Variants in CHSY3 observed in about 807,000 individuals in gnomAD.
CHSY3 encodes N-acetylgalactosaminyl-proteoglycan 3-beta-glucuronosyltransferase 3.
A neutral mutation model predicts 67.2 loss-of-function variants in CHSY3; 35 were observed. That is an observed-to-expected ratio of 0.52 (90% confidence interval 0.40 to 0.69). The LOEUF (loss-of-function observed/expected upper bound fraction) is 0.69, where lower values mean the gene tolerates loss of function less well. Ranked by LOEUF, CHSY3 falls within the 30% of genes least tolerant of loss-of-function variation. The pLI, the probability that CHSY3 is intolerant of heterozygous loss-of-function variation, is 0.00. For synonymous variants in CHSY3, 474 were observed against 434.7 expected (o/e 1.09, Z -1.12); for missense variants, 1,069 against 1,138.5 (o/e 0.94, Z 0.88).
In CHSY3 at chr5:129,904,829, G is replaced by A. The variant is rs958591713; in HGVS notation, c.-1G>A. The A allele has an allele frequency of 7.0e-7, 1 of 1,419,164 alleles. No homozygotes were observed. Among genetic ancestry groups the A allele is most frequent in the East Asian group, 2.8e-5 (1 of 35,388 alleles). 87.9% of individuals were successfully genotyped at this position (1,419,164 alleles called of 1,614,324 possible). A position where few individuals can be genotyped will look rare whatever the true frequency, so the allele number is the denominator to read the frequency against. On this transcript the variant is annotated 5_prime_UTR_variant, in exon 1 of 3. Transcript: ENST00000305031. ...GAGCGTCCGCGCCCGGGACAGCCGC[G>A]ATGGCTGTGCGCTCTCGCCGCCCGT...
intron 2 of CHSY3, among the ~76,000 whole-genome samples, chr5:130,012,731 G>T (rs116305771): frequency 6.6e-6 from 1 of 152,042 alleles, no homozygotes; most frequent in Non-Finnish European, 1.5e-5. Flanking sequence ...GGAGGATTAT[G>T]GGAACTGTAA....
intron 2 of CHSY3, among the ~76,000 whole-genome samples, chr5:129,999,978 C>G (rs767338960): frequency 2.0e-5 from 3 of 151,968 alleles, no homozygotes; most frequent in Non-Finnish European, 4.4e-5. Context: ...TAACCATTGT[C>G]TTTGAGAAAG....
At chr5:130,062,933 C>T (rs184613771) in intron 2 of CHSY3, among the ~76,000 whole-genome samples, 1 of 152,100 alleles carries the variant, frequency 6.6e-6, no homozygotes, top group Admixed American at 6.6e-5. Flanking sequence ...GAAAAACAGA[C>T]TTCCATTTAA....
chr5:130,134,331 A>C (rs1391136446), intron 2 of CHSY3, among the ~76,000 whole-genome samples: 1 of 152,218 alleles, frequency 6.6e-6, no homozygotes, highest in Non-Finnish European at 1.5e-5. Flanking sequence ...TTAGAAGAGG[A>C]GCCTTAGACA....
intron 2 of CHSY3, among the ~76,000 whole-genome samples, chr5:130,071,037 G>A (rs1766045728): frequency 6.6e-6 from 1 of 151,808 alleles, no homozygotes. Context: ...TAGATAGATA[G>A]ACAGAGAGAC....
rs556694204 is a variant in CHSY3 at position 129,949,719 on chromosome 5, C to T, written c.1086+41359C>T. Reference sequence around the variant, plus strand: ...ATACATACAAAAATCCCCAACAAAACCAGAGTAAACCAAATTTAATAGCAC... The same window carrying T: ...ATACATACAAAAATCCCCAACAAAATCAGAGTAAACCAAATTTAATAGCAC... On this transcript the variant is annotated intron_variant, in intron 2 of 2. Coordinates refer to ENST00000305031, the MANE Select transcript of CHSY3 (RefSeq NM_175856.5). Among the ~76,000 whole-genome samples the T allele has an allele frequency of 5.7e-4, 87 of 152,220 alleles. 1 individual carries two copies. In the South Asian group the frequency reaches 6.8e-3, roughly 12 times the overall value.
chr5:129,905,804 C>T (rs1311671912), intron 1 of CHSY3, 173 bp downstream of exon 1: 1 of 1,361,076 alleles, frequency 7.3e-7, no homozygotes, highest in Non-Finnish European at 9.7e-7. Context: ...AATTCGTAGC[C>T]CGTTCCTCGT....
At chr5:130,150,008 T>A (rs249607) in intron 2 of CHSY3, among the ~76,000 whole-genome samples, 29,751 of 152,160 alleles carry the variant, frequency 0.2, 3,644 homozygotes, top group African/African-American at 0.33. Context: ...ACTGAAAGTA[T>A]GTATATAAAA....
At chr5:130,008,767 C>A (rs1259084178) in intron 2 of CHSY3, among the ~76,000 whole-genome samples, 2 of 152,088 alleles carry the variant, frequency 1.3e-5, no homozygotes, top group African/African-American at 2.4e-5. Flanking sequence ...TAAGAAAGAA[C>A]CAAACTGATC....
chr5:129,991,109 T>C (rs1475886662), intron 2 of CHSY3, among the ~76,000 whole-genome samples: 2 of 152,138 alleles, frequency 1.3e-5, no homozygotes, highest in Non-Finnish European at 2.9e-5. Context: ...AGGTTGCAGG[T>C]CTTTATCTGC....
chr5:130,008,776 T>C lies in CHSY3; in HGVS notation c.1086+100416T>C, dbSNP rs999602415. 3.9e-4 allele frequency among the ~76,000 whole-genome samples: 59 copies of C among 152,250 alleles called. 1 individual carries two copies. The highest frequency in any genetic ancestry group is 3.4e-3 in the Middle Eastern group (1 of 294). On this transcript the variant is annotated intron_variant, in intron 2 of 2. Transcript: ENST00000305031. ...CCATTTTAAGAAAGAACCAAACTGATCTAATAGAGGTGAAAAACTCACTAC... is the reference window on the plus strand; with the variant it reads ...CCATTTTAAGAAAGAACCAAACTGACCTAATAGAGGTGAAAAACTCACTAC...
Position 129,998,958 on chromosome 5 carries a change from C to T in CHSY3, c.1086+90598C>T, listed in dbSNP as rs549769238. 4.6e-5 allele frequency among the ~76,000 whole-genome samples: 7 copies of T among 152,102 alleles called. 1 individual carries two copies. In the South Asian group the frequency reaches 1.0e-3, roughly 22 times the overall value. On this transcript the variant is annotated intron_variant, in intron 2 of 2. Coordinates refer to ENST00000305031, the MANE Select transcript of CHSY3 (RefSeq NM_175856.5). ...TCTTTTCTATTAACCCTTTTTAAGG[C>T]TTCTGTGTTATTTGACATACAGAAA...
intron 2 of CHSY3, among the ~76,000 whole-genome samples, chr5:130,169,365 C>T (rs1471397916): frequency 1.3e-5 from 2 of 152,072 alleles, no homozygotes; most frequent in Non-Finnish European, 2.9e-5. Context: ...ACAATTAACA[C>T]TGAACACTGC....
At chr5:130,143,896 G>A (rs977631198) in intron 2 of CHSY3, among the ~76,000 whole-genome samples, 1 of 136,366 alleles carries the variant, frequency 7.3e-6, no homozygotes, top group Non-Finnish European at 1.6e-5. Flanking sequence ...CAAAGTAGTT[G>A]AATCAATTGT....
chr5:129,975,898 CA>C (rs1004999908), intron 2 of CHSY3, among the ~76,000 whole-genome samples: 5 of 152,022 alleles, frequency 3.3e-5, no homozygotes, highest in African/African-American at 1.2e-4. Context: ...TAGGAGTCAT[CA>C]TTTTTCTCTT....
chr5:129,920,935 C>T (rs1412671789), intron 2 of CHSY3, among the ~76,000 whole-genome samples: 3 of 152,096 alleles, frequency 2.0e-5, no homozygotes, highest in Non-Finnish European at 4.4e-5. Flanking sequence ...CCTCCAACTT[C>T]AGCCTCCTGA....
intron 2 of CHSY3, among the ~76,000 whole-genome samples, chr5:130,026,382 G>A (rs944202389): frequency 3.9e-5 from 6 of 152,078 alleles, no homozygotes; most frequent in African/African-American, 1.4e-4. Context: ...AAATACTATA[G>A]TAAAGGAAGA....
chr5:129,945,918 G>A (rs1339534928), intron 2 of CHSY3, among the ~76,000 whole-genome samples: 2 of 151,410 alleles, frequency 1.3e-5, no homozygotes, highest in African/African-American at 4.9e-5. Flanking sequence ...TTTTTATTCT[G>A]TAGATGTGAG....
intron 2 of CHSY3, among the ~76,000 whole-genome samples, chr5:130,018,254 G>A (rs572270099): frequency 1.3e-5 from 2 of 151,934 alleles, no homozygotes; most frequent in Non-Finnish European, 2.9e-5. Flanking sequence ...AAATCTTATT[G>A]TTTAAATCTT....
Sources: allele counts gnomAD v4.1 joint callset (sites outside exome capture counted in the v4.1 genomes callset), GRCh38; gene constraint gnomAD v4.1.1; transcripts MANE v1.5; gene names NCBI Gene and HGNC (gene_info 2026-07-23, HGNC 2026-07-21).